Variants in CEP164 observed in about 807,000 individuals in gnomAD.
CEP164 encodes the protein centrosomal protein 164.
In CEP164, 162 loss-of-function variants were observed where a neutral mutation model predicts 182.7. The observed-to-expected ratio is 0.89, with a 90% confidence interval of 0.78 to 1.01. The LOEUF (loss-of-function observed/expected upper bound fraction) is 1.01. Among genes scored for constraint, CEP164 ranks in the 50% least tolerant of loss-of-function variants. CEP164 has a pLI of 0.00. For synonymous variants in CEP164, 661 were observed against 690.0 expected, an observed-to-expected ratio of 0.96 and a Z score of 0.66; for missense variants, 1,735 against 1,790.4, an observed-to-expected ratio of 0.97 and a Z score of 0.56.
At chr11:117,399,155 C>T (rs2045864537) in intron 27 of CEP164, among the ~76,000 whole-genome samples, 1 of 151,978 alleles carries the variant, frequency 6.6e-6, no homozygotes, top group Non-Finnish European at 1.5e-5. Context: ...CCTGACAGGC[C>T]CCGGTGTGTG....
At chr11:117,351,212 G>A (rs563611975) in intron 4 of CEP164, among the ~76,000 whole-genome samples, 123 of 152,172 alleles carry the variant, frequency 8.1e-4, no homozygotes, top group Non-Finnish European at 1.1e-3. Flanking sequence ...TGTATTTTTA[G>A]TAGAGACAGG....
chr11:117,408,665 C>T, intron 28 of CEP164: 1 of 573,420 alleles, frequency 1.7e-6, no homozygotes, highest in South Asian at 2.1e-5. Context: ...TCCCACACAT[C>T]ACAAGGGCGA....
At chr11:117,383,445 C>G (rs1467261113) in intron 14 of CEP164, among the ~76,000 whole-genome samples, 1 of 152,204 alleles carries the variant, frequency 6.6e-6, no homozygotes, top group Non-Finnish European at 1.5e-5. Flanking sequence ...CTTCACTGTT[C>G]TGGCCTGTGA....
chr11:117,399,590 G>A (rs1592429073), intron 27 of CEP164, among the ~76,000 whole-genome samples: 1 of 152,258 alleles, frequency 6.6e-6, no homozygotes, highest in East Asian at 1.9e-4. Flanking sequence ...ACTAATTTAT[G>A]CTTACACCAA....
At chr11:117,357,082 A>G (rs2040392141) in intron 5 of CEP164, among the ~76,000 whole-genome samples, 1 of 152,160 alleles carries the variant, frequency 6.6e-6, no homozygotes, top group South Asian at 2.1e-4. Flanking sequence ...AGAACTAGAA[A>G]GTTAATATTA....
rs370606132 is a variant in CEP164 at position 117,375,802 on chromosome 11, G to A, written c.1317+11G>A. ...GGAGCTTGTCGGCAGGTGAGTTTCT[G>A]TGGGTGGTGGGCTGAGCTGGGGCCT... On this transcript the variant is annotated intron_variant, in intron 11 of 32. Transcript: ENST00000278935. 9.3e-6 allele frequency: 15 copies of A among 1,613,470 alleles called. No individual in the cohort carries two copies. The highest frequency in any genetic ancestry group is 2.7e-5 in the African/African-American group (2 of 74,904).
At chr11:117,331,570 A>G (rs2036212429) in intron 1 of CEP164, among the ~76,000 whole-genome samples, 1 of 152,140 alleles carries the variant, frequency 6.6e-6, no homozygotes. Flanking sequence ...ACCTTGCCTA[A>G]GGTCATACAG....
chr11:117,406,718 A>T (rs1376023931), intron 27 of CEP164, among the ~76,000 whole-genome samples: 1 of 152,196 alleles, frequency 6.6e-6, no homozygotes, highest in Non-Finnish European at 1.5e-5. Context: ...ATACTTCATT[A>T]TTATTAGTTG....
chr11:117,396,175 G>T lies in CEP164; in HGVS notation c.3211G>T (p.Gly1071Ter), dbSNP rs1280091595. The T allele has an allele frequency of 1.3e-6, 2 of 1,583,838 alleles. No homozygotes were observed. The highest frequency in any genetic ancestry group is 1.1e-5 in the South Asian group (1 of 90,520). Residue 1071 changes from glycine (G) to a stop codon, truncating the protein, a stop_gained, in exon 25 of 33, where the codon GGA becomes TGA. Transcript: ENST00000278935. LOFTEE classifies it high-confidence loss of function. ...TATTGAGGACCTGAGGAAATCCCTT[G>T]GAACAGTGAGCTGGGGGCTGGGGCC... ...LHIEDLRKSL[G>*]TNQTKEVSSS...
At position 117,392,425 on chromosome 11, in the gene CEP164, A is replaced by T. The variant is rs536444574; in HGVS notation, c.2362-71A>T. On this transcript the variant is annotated intron_variant, in intron 18 of 32. Transcript: ENST00000278935. ...GGGATGGATGCCAGGTCCTCAGAAC[A>T]CATCCCCACACAGCAGCTGTACAGT... 1.3e-5 allele frequency: 21 copies of T among 1,576,146 alleles called. No individual in the cohort carries two copies. The South Asian group carries it at 1.7e-4, about 12-fold the overall frequency.
intron 11 of CEP164, 55 bp downstream of exon 11, chr11:117,375,846 T>A: frequency 1.3e-6 from 2 of 1,531,732 alleles, no homozygotes; most frequent in Non-Finnish European, 1.8e-6. Context: ...CTCACAACTT[T>A]TTCGGATGAC....
At chr11:117,327,664 A>G (rs2035540730), upstream of CEP164, among the ~76,000 whole-genome samples, 1 of 150,976 alleles carries the variant, frequency 6.6e-6, no homozygotes, top group South Asian at 2.1e-4. Flanking sequence ...CACTCTTTCA[A>G]CCTCTTGCGG....
At chr11:117,404,393 T>A (rs1257250043) in intron 27 of CEP164, among the ~76,000 whole-genome samples, 1 of 152,222 alleles carries the variant, frequency 6.6e-6, no homozygotes, top group Non-Finnish European at 1.5e-5. Flanking sequence ...TTGTTAGTTT[T>A]CCTTCTAACA....
At chr11:117,338,493 C>A in intron 2 of CEP164, 73 bp from the exon 3 acceptor site, 1 of 1,105,660 alleles carries the variant, frequency 9.0e-7, no homozygotes, top group Non-Finnish European at 1.4e-6. Flanking sequence ...TGCTCCATGA[C>A]CCAGTGCCAA....
rs116804346 is a variant in CEP164, at chr11:117,344,290, G to T, written c.194+13G>T. Reference sequence around the variant, plus strand: ...AGTGGAAACCATGGTAAGTCAGCAGGGGGTGCGGCCACTGACTTGGCCTAG... The same window carrying T: ...AGTGGAAACCATGGTAAGTCAGCAGTGGGTGCGGCCACTGACTTGGCCTAG... On this transcript the variant is annotated intron_variant, in intron 4 of 32. Transcript: ENST00000278935. 2.0e-3 allele frequency: 3,180 copies of T among 1,585,918 alleles called. 79 individuals are homozygous for T. The African/African-American group carries it at 0.038, about 19-fold the overall frequency.
rs1342514730 is a variant in CEP164 at position 117,332,611 on chromosome 11, A to G, written c.-97-2994A>G. On this transcript the variant is annotated intron_variant, in intron 1 of 32. Coordinates refer to ENST00000278935, the MANE Select transcript of CEP164 (RefSeq NM_014956.5). ...AAAGAAAGAAAAAATAATAATATTG[A>G]GAGAAATCTGTCTGGGAACACATGA... Among the ~76,000 whole-genome samples the G allele has an allele frequency of 2.0e-5, 3 of 152,302 alleles. No homozygotes were observed. In the East Asian group the frequency reaches 5.8e-4, roughly 29 times the overall value.
At position 117,365,022 on chromosome 11, in the gene CEP164, A is replaced by G. The variant is rs1036521341; in HGVS notation, c.765+1516A>G. ...GGAAGGATTAAATCTAAAGCCTTCAATCTGTTTAGTTCCCTGAAATGACAA... is the reference window on the plus strand; with the variant it reads ...GGAAGGATTAAATCTAAAGCCTTCAGTCTGTTTAGTTCCCTGAAATGACAA... On this transcript the variant is annotated intron_variant, in intron 8 of 32. Transcript: ENST00000278935. 3.3e-5 allele frequency among the ~76,000 whole-genome samples: 5 copies of G among 152,208 alleles called. No homozygotes were observed. The South Asian group carries it at 1.0e-3, about 32-fold the overall frequency.
At chr11:117,376,647 T>C (rs2042773429) in intron 11 of CEP164, among the ~76,000 whole-genome samples, 1 of 152,180 alleles carries the variant, frequency 6.6e-6, no homozygotes, top group Non-Finnish European at 1.5e-5. Flanking sequence ...TTGGAGCCTT[T>C]AGTGAAATGT....
rs772898707 is a variant in CEP164 at position 117,409,834 on chromosome 11, C to T, written c.3965C>T (p.Ser1322Leu). 2 of 1,600,410 alleles carry T rather than the reference C, an allele frequency of 1.2e-6. No homozygotes were observed. The highest frequency in any genetic ancestry group is 1.7e-6 in the Non-Finnish European group (2 of 1,171,608). The change falls in exon 30 of 33, where the codon TCA becomes TTA. Residue 1322 changes from serine to leucine, a missense_variant. Ser to Leu is a moderately radical substitution (Grantham distance 145, BLOSUM62 -2). Transcript: ENST00000278935. The surrounding 1 kb of genome is among the most constrained non-coding windows in gnomAD (Gnocchi z 4.4). ...TACTATGGCTCCCTGGCCAGGTTCTCAGCCTTATCATCTGCTACACCCACG... is the reference window on the plus strand; with the variant it reads ...TACTATGGCTCCCTGGCCAGGTTCTTAGCCTTATCATCTGCTACACCCACG... Reference protein sequence around the residue: ...PTYYGSLARFSALSSATPTST... With the variant: ...PTYYGSLARFLALSSATPTST...
Sources: gnomAD v4.1 joint callset for allele counts (sites outside exome capture counted in the v4.1 genomes callset) on GRCh38, gnomAD v4.1.1 for gene constraint, Gnocchi (gnomAD v3.1) non-coding constraint, MANE v1.5 for transcripts, NCBI Gene and HGNC (gene_info 2026-07-23, HGNC 2026-07-21) for gene names.